Variants in VPS53 observed in about 807,000 individuals in gnomAD.
VPS53 encodes vacuolar protein sorting-associated protein 53 homolog.
VPS53 carries 70 observed loss-of-function variants against 107.0 expected under a neutral mutation model. That is an observed-to-expected ratio of 0.65 (90% CI 0.54 to 0.80). The LOEUF (loss-of-function observed/expected upper bound fraction) is 0.80. Among genes scored for constraint, VPS53 ranks in the 30% least tolerant of loss-of-function variants. The pLI is 0.00. For synonymous variants in VPS53, 409 were observed against 393.3 expected (o/e 1.04, Z -0.47); for missense variants, 917 against 1,049.4 (o/e 0.87, Z 1.74).
chr17:667,529 G>T (rs1597462597), intron 4 of VPS53, among the ~76,000 whole-genome samples: 1 of 79,774 alleles, frequency 1.3e-5, no homozygotes. Flanking sequence ...GAAGAGGACT[G>T]TTTTAAACAT....
At chr17:560,607 A>T in intron 14 of VPS53, 34 bp from the exon 15 acceptor site, 2 of 1,595,074 alleles carry the variant, frequency 1.3e-6, no homozygotes, top group Non-Finnish European at 1.7e-6. Flanking sequence ...GTCAGCATGG[A>T]ATTTCTAATT....
intron 12 of VPS53, among the ~76,000 whole-genome samples, chr17:588,070 C>T (rs1255547533): frequency 6.6e-6 from 1 of 152,224 alleles, no homozygotes; most frequent in Non-Finnish European, 1.5e-5. Flanking sequence ...GTAATCCCAG[C>T]ACTTTGGGAG....
intron 18 of VPS53, among the ~76,000 whole-genome samples, chr17:534,599 T>C (rs1249693427): frequency 6.6e-6 from 1 of 152,112 alleles, no homozygotes; most frequent in Non-Finnish European, 1.5e-5. Context: ...ACACAGCGCT[T>C]TGTAACCTAA....
intron 2 of VPS53, chr17:706,188 T>C (rs1229424605): frequency 6.6e-6 from 1 of 152,188 alleles, no homozygotes; most frequent in Non-Finnish European, 1.5e-5. Flanking sequence ...AAGATTACTA[T>C]TACAGTTGTA....
chr17:571,995 T>C (rs1430441444), intron 13 of VPS53, among the ~76,000 whole-genome samples: 12 of 128,030 alleles, frequency 9.4e-5, no homozygotes, highest in East Asian at 2.4e-4. Context: ...CGTCTCTGCC[T>C]GGCCGCCCAT....
intron 5 of VPS53, among the ~76,000 whole-genome samples, chr17:661,509 A>C (rs1253966683): frequency 1.4e-5 from 2 of 141,298 alleles, no homozygotes; most frequent in Non-Finnish European, 3.1e-5. Context: ...CGACAGAGCA[A>C]GACTCCATCT....
At chr17:556,937 C>G (rs1597295110) in intron 15 of VPS53, among the ~76,000 whole-genome samples, 1 of 152,200 alleles carries the variant, frequency 6.6e-6, no homozygotes, top group Non-Finnish European at 1.5e-5. Context: ...AGGAGGGGCT[C>G]TCTGAGGAGG....
At chr17:634,140 A>C (rs1169153355) in intron 7 of VPS53, among the ~76,000 whole-genome samples, 1 of 152,136 alleles carries the variant, frequency 6.6e-6, no homozygotes, top group Non-Finnish European at 1.5e-5. Context: ...CCTGGCCCGA[A>C]CTATTTGCTA....
chr17:520,014 A>G lies in VPS53; in HGVS notation c.2224-84T>C, dbSNP rs760934198. The G allele has an allele frequency of 6.1e-4, 575 of 936,260 alleles. 1 individual carries two copies. The highest frequency in any genetic ancestry group is 8.8e-4 in the Non-Finnish European group (526 of 595,806). The allele number at this position is 936,260 out of a possible 1,614,324, so 58.0% of individuals were successfully genotyped here. A position where few individuals can be genotyped will look rare whatever the true frequency, so the allele number is the denominator to read the frequency against. ...CAGGAGCGGGCCCTCAAGAAAACTC[A>G]CTACCCACCGCAGGAGGAGACGGGA... On this transcript the variant is annotated intron_variant, in intron 20 of 21. Transcript: ENST00000437048. The surrounding 1 kb of genome is among the most constrained non-coding windows in gnomAD (Gnocchi z 4.4).
chr17:521,844 T>G (rs1173347521), intron 19 of VPS53, 106 bp from the exon 20 acceptor site: 6 of 1,257,540 alleles, frequency 4.8e-6, no homozygotes, highest in Non-Finnish European at 5.1e-6. Flanking sequence ...TAACACATTC[T>G]TGTTGCAAAA....
chr17:643,335 C>A (rs76117181), intron 7 of VPS53, among the ~76,000 whole-genome samples: 6 of 119,314 alleles, frequency 5.0e-5, no homozygotes, highest in East Asian at 5.2e-4. Flanking sequence ...TCATACTTGG[C>A]AACTGAGGAC....
At chr17:660,007 A>G (rs1209131525) in intron 5 of VPS53, among the ~76,000 whole-genome samples, 1 of 152,202 alleles carries the variant, frequency 6.6e-6, no homozygotes, top group African/African-American at 2.4e-5. Flanking sequence ...TGCGAGACAG[A>G]AGGCCCATGG....
In VPS53 at chr17:562,581, G is replaced by C. The variant is rs373197619; in HGVS notation, c.1478C>G (p.Pro493Arg). Reference protein sequence around the residue: ...VQCSQLSTGEPMIALTTIFQK... With the variant: ...VQCSQLSTGERMIALTTIFQK... ...GAAAATGGTGGTCAGGGCGATCATG[G>C]GCTCCCCAGTACTGAGCTGAGAGCA... is the stretch of plus-strand genomic sequence containing the variant. Residue 493 changes from proline to arginine, a missense_variant, in exon 14 of 22, where the codon CCC (proline) becomes CGC (arginine). Coordinates refer to ENST00000437048, the MANE Select transcript of VPS53 (RefSeq NM_001128159.3). 13 of 1,613,700 alleles carry C rather than the reference G, an allele frequency of 8.1e-6. No homozygotes were observed. The highest frequency in any genetic ancestry group is 1.1e-5 in the Non-Finnish European group (13 of 1,179,904).
At position 682,929 on chromosome 17, in the gene VPS53, C is replaced by T. The variant is rs767700965; in HGVS notation, c.285+14489G>A. 2.0e-5 allele frequency among the ~76,000 whole-genome samples: 3 copies of T among 151,772 alleles called. No homozygotes were observed. In the East Asian group the frequency reaches 5.8e-4, roughly 29 times the overall value. Reference sequence around the variant, plus strand: ...AGAATCTGGTAGAAAAGGTGTTTTACCTGCACGAACAGATGAAGAATTGCA... The same window carrying T: ...AGAATCTGGTAGAAAAGGTGTTTTATCTGCACGAACAGATGAAGAATTGCA... On this transcript the variant is annotated intron_variant, in intron 4 of 21. Coordinates refer to ENST00000437048, the MANE Select transcript of VPS53 (RefSeq NM_001128159.3).
intron 13 of VPS53, among the ~76,000 whole-genome samples, chr17:579,125 C>T (rs542524193): frequency 6.6e-6 from 1 of 150,670 alleles, no homozygotes; most frequent in African/African-American, 2.4e-5. Flanking sequence ...GAGAACATCC[C>T]TCAGAACCTA....
rs34869514 is a variant in VPS53 at position 662,773 on chromosome 17, G to GAAAGAAAGAAAGAAAGAA, written c.286-879_286-878insTTCTTTCTTTCTTTCTTT. Among the ~76,000 whole-genome samples, 68 of 59,350 alleles carry GAAAGAAAGAAAGAAAGAA rather than the reference G, an allele frequency of 1.1e-3. 1 individual carries two copies. Among genetic ancestry groups the GAAAGAAAGAAAGAAAGAA allele is most frequent in the East Asian group, 8.1e-3 (18 of 2,210 alleles). 38.9% of individuals were successfully genotyped at this position (59,350 alleles called of 152,430 possible). A position where few individuals can be genotyped will look rare whatever the true frequency, so the allele number is the denominator to read the frequency against. ...AAAGAGAAAGAAAGAAAGAAAGAAA[G>GAAAGAAAGAAAGAAAGAA]AGAAAGAAAGAAAAAAAGAAAGAGA... On this transcript the variant is annotated intron_variant, in intron 4 of 21. Transcript: ENST00000437048.
At chr17:581,294 C>T (rs1430932496) in intron 13 of VPS53, among the ~76,000 whole-genome samples, 4 of 151,170 alleles carry the variant, frequency 2.6e-5, no homozygotes, top group Non-Finnish European at 2.9e-5. Context: ...GACCTCAATG[C>T]GTTCCCAGAG....
At chr17:526,585 T>C (rs1372897718) in intron 19 of VPS53, among the ~76,000 whole-genome samples, 1 of 152,246 alleles carries the variant, frequency 6.6e-6, no homozygotes, top group African/African-American at 2.4e-5. Flanking sequence ...ATCTGCTAGT[T>C]TTCAACTTTG....
At chr17:568,529 G>C (rs985546921) in intron 13 of VPS53, among the ~76,000 whole-genome samples, 1 of 152,102 alleles carries the variant, frequency 6.6e-6, no homozygotes, top group Non-Finnish European at 1.5e-5. Flanking sequence ...TTACAGGCAC[G>C]AGCAACCATG....
Sources: gnomAD v4.1 joint callset for allele counts (sites outside exome capture counted in the v4.1 genomes callset) on GRCh38, gnomAD v4.1.1 for gene constraint, Gnocchi (gnomAD v3.1) non-coding constraint, MANE v1.5 for transcripts, NCBI Gene and HGNC (gene_info 2026-07-23, HGNC 2026-07-21) for gene names.